ENTPD5: variants seen among roughly 807,000 people sequenced by gnomAD.
ENTPD5 encodes ectonucleoside triphosphate diphosphohydrolase 5 (inactive).
Under a neutral mutation model 60.2 loss-of-function variants are expected in ENTPD5, and 49 were observed. That is an observed-to-expected ratio of 0.81 (90% CI 0.65 to 1.03). The LOEUF (loss-of-function observed/expected upper bound fraction) is 1.03, where lower values mean the gene tolerates loss of function less well. Ranked by LOEUF, ENTPD5 falls within the 50% of genes least tolerant of loss-of-function variation. ENTPD5 has a pLI of 0.00. For missense variants in ENTPD5, 480 were observed against 507.6 expected (o/e 0.95, Z 0.52); for synonymous variants, 187 against 185.4 (o/e 1.01, Z -0.07).
intron 6 of ENTPD5, among the ~76,000 whole-genome samples, chr14:73,981,500 A>ATG (rs1247922882): frequency 6.7e-6 from 1 of 150,216 alleles, no homozygotes; most frequent in East Asian, 2.0e-4. Context: ...AAATGTATAT[A>ATG]TATATATATG....
chr14:73,959,533 A>G (rs1309122815), downstream of ENTPD5: 14 of 1,613,638 alleles, frequency 8.7e-6, no homozygotes, highest in Non-Finnish European at 1.1e-5. Context: ...GTGAGTATCA[A>G]TTTACCCAGC....
chr14:73,980,499 G>C (rs1021005979), intron 6 of ENTPD5, among the ~76,000 whole-genome samples: 1 of 152,018 alleles, frequency 6.6e-6, no homozygotes, highest in Non-Finnish European at 1.5e-5. Flanking sequence ...CCTGACCTCA[G>C]GTGATCTGCC....
intron 3 of ENTPD5, 106 bp from the exon 4 acceptor site, chr14:73,988,278 A>G: frequency 9.1e-7 from 1 of 1,096,074 alleles, no homozygotes; most frequent in Non-Finnish European, 1.3e-6. Flanking sequence ...CCCTATTCTA[A>G]TAACCTGTAC....
At chr14:73,995,123 A>G (rs777274194) in intron 3 of ENTPD5, among the ~76,000 whole-genome samples, 23 of 148,878 alleles carry the variant, frequency 1.5e-4, no homozygotes, top group Non-Finnish European at 2.7e-4. Context: ...ATCTCACCTC[A>G]CTGCAACCTC....
chr14:73,959,629 G>A (rs547513978), downstream of ENTPD5: 36 of 1,566,618 alleles, frequency 2.3e-5, no homozygotes, highest in East Asian at 4.9e-4. Context: ...GCGCAGTGGC[G>A]CGATCTTGGC....
intron 14 of ENTPD5, among the ~76,000 whole-genome samples, chr14:73,971,022 T>C (rs1483214917): frequency 3.3e-5 from 5 of 151,982 alleles, no homozygotes; most frequent in Non-Finnish European, 7.4e-5. Flanking sequence ...CAAGGAAGCC[T>C]CTGTGGCTAT....
chr14:73,960,908 G>T, downstream of ENTPD5: 1 of 559,214 alleles, frequency 1.8e-6, no homozygotes, highest in South Asian at 1.9e-5. Flanking sequence ...CTGGTGCGTG[G>T]TTATTGAGGG....
intron 3 of ENTPD5, among the ~76,000 whole-genome samples, chr14:73,992,733 T>G (rs1027717040): frequency 3.4e-5 from 5 of 148,640 alleles, no homozygotes; most frequent in Non-Finnish European, 7.4e-5. Flanking sequence ...CTGGGTGTGG[T>G]GGCGCACGCC....
intron 10 of ENTPD5, 142 bp downstream of exon 10, chr14:73,975,794 C>T (rs1051781244): frequency 1.5e-5 from 9 of 605,134 alleles, no homozygotes; most frequent in Admixed American, 6.0e-5. Flanking sequence ...GTAAGTGGAC[C>T]GGGTTTCAGT....
downstream of ENTPD5, chr14:73,960,139 A>G (rs1327102481): frequency 3.0e-6 from 3 of 991,290 alleles, no homozygotes; most frequent in Non-Finnish European, 3.6e-6. Context: ...AGCTACCTGA[A>G]CCTTTCAAGC....
intron 3 of ENTPD5, among the ~76,000 whole-genome samples, chr14:73,993,859 T>G (rs1415816447): frequency 6.6e-6 from 1 of 151,964 alleles, no homozygotes; most frequent in Non-Finnish European, 1.5e-5. Context: ...AAATATTTGT[T>G]TTTCTTCCAG....
chr14:73,975,983 G>A lies in ENTPD5; in HGVS notation c.675C>T (p.Leu225=), dbSNP rs766867963. Residue 225 remains leucine, a synonymous_variant, in exon 10 of 16, where the codon CTC becomes CTT. Coordinates refer to ENST00000334696, the MANE Select transcript of ENTPD5 (RefSeq NM_001249.5). ...TGCTGTTAAACATCTCAAAGGAAGT[G>A]AGGTAGCCCCTAGGAGTTTGTTCCA... ...KTLEQTPRGY[L]TSFEMFNSTY... 1.9e-6 allele frequency: 3 copies of A among 1,613,550 alleles called. No individual in the cohort carries two copies. Among genetic ancestry groups the A allele is most frequent in the Non-Finnish European group, 1.7e-6 (2 of 1,179,902 alleles).
intron 15 of ENTPD5, among the ~76,000 whole-genome samples, chr14:73,967,509 T>G (rs2057026716): frequency 6.6e-6 from 1 of 152,106 alleles, no homozygotes; most frequent in African/African-American, 2.4e-5. Context: ...TAAGCACTAA[T>G]AATAACCAAA....
chr14:73,967,111 T>C, intron 15 of ENTPD5, 97 bp from the exon 16 acceptor site: 1 of 1,005,296 alleles, frequency 9.9e-7, no homozygotes, highest in Non-Finnish European at 1.5e-6. Flanking sequence ...AATATCCACA[T>C]GGGCAAACCA....
At chr14:73,960,606 T>G (rs1370289940), downstream of ENTPD5, 1 of 1,041,120 alleles carries the variant, frequency 9.6e-7, no homozygotes. Flanking sequence ...CACCATTAAT[T>G]GTCCTTTCTA....
intron 3 of ENTPD5, among the ~76,000 whole-genome samples, chr14:73,995,648 C>A (rs1480908013): frequency 2.6e-5 from 4 of 151,254 alleles, no homozygotes; most frequent in Admixed American, 1.3e-4. Flanking sequence ...AATTACCCAG[C>A]CCCTGAAAAA....
intron 2 of ENTPD5, among the ~76,000 whole-genome samples, chr14:74,012,021 G>A (rs953354636): frequency 6.6e-6 from 1 of 152,152 alleles, no homozygotes; most frequent in Non-Finnish European, 1.5e-5. Flanking sequence ...ACACATTCAA[G>A]ACAGGATTTG....
rs1166745170 is a variant in ENTPD5 at position 73,972,954 on chromosome 14, C to T, written c.957G>A (p.Glu319=). 4 of 1,614,082 alleles carry T rather than the reference C, an allele frequency of 2.5e-6. No individual in the cohort carries two copies. The highest frequency in any genetic ancestry group is 3.4e-6 in the Non-Finnish European group (4 of 1,180,042). ...CATAGAAGGAACCTCTCTGGACCTC[C>T]TCTGGCTGGTGAAGTTTTCCTCGTA... ...RVVRGKLHQP[E]EVQRGSFYAF... Residue 319 remains glutamate, a synonymous_variant, in exon 13 of 16, where the codon GAG becomes GAA. Transcript: ENST00000334696.
intron 3 of ENTPD5, chr14:74,003,548 C>G: frequency 1.3e-6 from 1 of 769,048 alleles, no homozygotes; most frequent in Non-Finnish European, 2.1e-6. Context: ...GATGCTGGTA[C>G]AAGTTGTGGG....
Sources: gnomAD v4.1 joint callset for allele counts (sites outside exome capture counted in the v4.1 genomes callset) on GRCh38, gnomAD v4.1.1 for gene constraint, MANE v1.5 for transcripts, NCBI Gene and HGNC (gene_info 2026-07-23, HGNC 2026-07-21) for gene names.